The following STPG2 variants were observed in gnomAD, a reference collection of about 807,000 sequenced individuals.
The protein encoded by STPG2 is sperm tail PG-rich repeat containing 2, also known as sperm-tail PG-rich repeat-containing protein 2.
In STPG2, 56 loss-of-function variants were observed where a neutral mutation model predicts 54.2. The observed-to-expected ratio is 1.03, with a 90% CI of 0.83 to 1.29. The LOEUF is 1.29. STPG2 is among the 50% of genes most tolerant of loss of function. STPG2 has a pLI of 0.00. For synonymous variants in STPG2, 200 were observed against 181.8 expected, an observed-to-expected ratio of 1.10 and a Z score of -0.81; for missense variants, 596 against 544.9, an observed-to-expected ratio of 1.09 and a Z score of -0.93.
At chr4:97,655,289 G>A (rs918109727) in intron 10 of STPG2, among the ~76,000 whole-genome samples, 2 of 152,006 alleles carry the variant, frequency 1.3e-5, no homozygotes, top group African/African-American at 4.8e-5. Flanking sequence ...GTACTACCTC[G>A]TGAATTCTTA....
At chr4:97,864,538 G>T (rs1578636164) in intron 8 of STPG2, among the ~76,000 whole-genome samples, 1 of 152,106 alleles carries the variant, frequency 6.6e-6, no homozygotes, top group African/African-American at 2.4e-5. Flanking sequence ...TACATTCAAT[G>T]CCATCCCCAT....
chr4:98,106,251 T>C (rs1322461175), intron 4 of STPG2, among the ~76,000 whole-genome samples, 187 bp from the exon 5 acceptor site: 1 of 152,248 alleles, frequency 6.6e-6, no homozygotes, highest in Non-Finnish European at 1.5e-5. Context: ...TGGTTAGTTA[T>C]GATTTTTTTC....
At chr4:97,547,941 G>A (rs1195823159) in intron 4 of STPG2, among the ~76,000 whole-genome samples, 1 of 151,642 alleles carries the variant, frequency 6.6e-6, no homozygotes, top group African/African-American at 2.4e-5. Context: ...ACCTGAGGTC[G>A]GGAGTTCACG....
chr4:97,989,630 C>T (rs1169717498), intron 5 of STPG2, among the ~76,000 whole-genome samples: 1 of 152,172 alleles, frequency 6.6e-6, no homozygotes, highest in Admixed American at 6.5e-5. Context: ...TTGTCAATAA[C>T]TTTCACCTTT....
Position 97,617,030 on chromosome 4 carries a change from G to T in STPG2, c.1321-57913C>A, listed in dbSNP as rs535028632. Among the ~76,000 whole-genome samples the T allele has an allele frequency of 4.6e-5, 7 of 152,102 alleles. 1 individual carries two copies. In the South Asian group the frequency reaches 1.4e-3, roughly 31 times the overall value. On this transcript the variant is annotated intron_variant, in intron 10 of 10. Transcript: ENST00000295268. ...TTGTCCCAGTATGTTAGTTTATAAA[G>T]CTAACTAACCAAATTAGTCTATATT...
Position 97,527,001 on chromosome 4 carries a change from C to CTT in STPG2, c.462+185696_462+185697dup, listed in dbSNP as rs369918959. ...TCAGAAATAATAGATGCTGCCAAAG[C>CTT]TTTTTTTTTTTTTAATACTTTAAGT... On this transcript the variant is annotated intron_variant, in intron 4 of 4. Transcript: ENST00000522676. Among the ~76,000 whole-genome samples, 605 of 141,496 alleles carry CTT rather than the reference C, an allele frequency of 4.3e-3. 1 individual carries two copies. Among genetic ancestry groups the CTT allele is most frequent in the South Asian group, 0.021 (92 of 4,396 alleles). 92.8% of individuals were successfully genotyped at this position (141,496 alleles called of 152,430 possible). A position where few individuals can be genotyped will look rare whatever the true frequency, so the allele number is the denominator to read the frequency against.
intron 9 of STPG2, among the ~76,000 whole-genome samples, chr4:97,756,211 TTTG>T (rs1364199316): frequency 1.3e-5 from 2 of 152,188 alleles, no homozygotes; most frequent in African/African-American, 4.8e-5. Flanking sequence ...ATTATGATGT[TTTG>T]TTGTTGAGAA....
At chr4:97,725,800 G>A (rs1455575452) in intron 9 of STPG2, among the ~76,000 whole-genome samples, 4 of 151,670 alleles carry the variant, frequency 2.6e-5, no homozygotes, top group Admixed American at 2.0e-4. Flanking sequence ...AAACATAAAC[G>A]ACCTGAGTCC....
chr4:97,804,163 ATAATG>A (rs1228179861), intron 9 of STPG2, among the ~76,000 whole-genome samples: 1 of 152,222 alleles, frequency 6.6e-6, no homozygotes, highest in Non-Finnish European at 1.5e-5. Flanking sequence ...TCATCATAAT[ATAATG>A]TTATACCTTC....
At chr4:97,684,769 T>C (rs538251093) in intron 10 of STPG2, among the ~76,000 whole-genome samples, 38 of 151,890 alleles carry the variant, frequency 2.5e-4, no homozygotes, top group African/African-American at 1.4e-4. Flanking sequence ...AATTAAAAAC[T>C]TCTGCTCTGA....
rs540591179 is a variant in STPG2 at position 98,123,134 on chromosome 4, C to CA, written c.387+5293dup. Among the ~76,000 whole-genome samples, 645 of 151,930 alleles carry CA rather than the reference C, an allele frequency of 4.2e-3. 3 individuals are homozygous for CA. The highest frequency in any genetic ancestry group is 0.025 in the South Asian group (120 of 4,810). On this transcript the variant is annotated intron_variant, in intron 3 of 10. Transcript: ENST00000295268. ...ATCAGTCTATCTATTTTATTAATTT[C>CA]AAAAAATAGCTTCTGGGTTCATTGA... is the stretch of plus-strand genomic sequence containing the variant.
At chr4:97,816,743 CCTTTCTTT>C (rs149019077) in intron 9 of STPG2, among the ~76,000 whole-genome samples, 1 of 150,608 alleles carries the variant, frequency 6.6e-6, no homozygotes, top group African/African-American at 2.4e-5. Flanking sequence ...TCTTTCTCTA[CCTTTCTTT>C]CTTTCTTTTT....
intron 8 of STPG2, among the ~76,000 whole-genome samples, chr4:97,925,367 T>C (rs1732294112): frequency 6.6e-6 from 1 of 152,182 alleles, no homozygotes; most frequent in African/African-American, 2.4e-5. Flanking sequence ...TCTGAGCTAA[T>C]GAAGTTAGAC....
At chr4:97,517,615 T>A (rs1479697463) in intron 4 of STPG2, among the ~76,000 whole-genome samples, 1 of 152,106 alleles carries the variant, frequency 6.6e-6, no homozygotes, top group Non-Finnish European at 1.5e-5. Flanking sequence ...TTTTTTCAGT[T>A]TTTAAAACCA....
intron 8 of STPG2, among the ~76,000 whole-genome samples, chr4:97,942,392 A>G (rs1433514077): frequency 3.9e-5 from 6 of 152,172 alleles, no homozygotes; most frequent in Middle Eastern, 3.4e-3. Context: ...GAACTCTAAA[A>G]TTCCTCAAGA....
At chr4:97,561,071 T>G (rs1283336610) in intron 10 of STPG2, among the ~76,000 whole-genome samples, 1 of 152,070 alleles carries the variant, frequency 6.6e-6, no homozygotes, top group Non-Finnish European at 1.5e-5. Flanking sequence ...CCACCAACAG[T>G]GTAAAAGTGT....
rs539448345 is a variant in STPG2 at position 98,113,771 on chromosome 4, C to T, written c.388-4466G>A. On this transcript the variant is annotated intron_variant, in intron 3 of 10. Transcript: ENST00000295268. ...TTGTCATGTCCTTGAAGGAACAAAGCTATGAATAAAAACTGAAAGAGCTAT... is the reference window on the plus strand; with the variant it reads ...TTGTCATGTCCTTGAAGGAACAAAGTTATGAATAAAAACTGAAAGAGCTAT... 5.3e-5 allele frequency among the ~76,000 whole-genome samples: 8 copies of T among 152,034 alleles called. No homozygotes were observed. The South Asian group carries it at 1.2e-3, about 24-fold the overall frequency.
intron 10 of STPG2, among the ~76,000 whole-genome samples, chr4:97,677,960 A>C (rs1722900434): frequency 6.6e-6 from 1 of 152,198 alleles, no homozygotes; most frequent in African/African-American, 2.4e-5. Context: ...TGCATGTATA[A>C]ATTGTTTTAA....
chr4:98,088,746 A>G (rs1408421936), intron 5 of STPG2, among the ~76,000 whole-genome samples: 1 of 151,264 alleles, frequency 6.6e-6, no homozygotes, highest in Non-Finnish European at 1.5e-5. Flanking sequence ...AAGCTCCCTG[A>G]AAGAGTGAGC....
Sources: gnomAD v4.1 joint callset for allele counts (sites outside exome capture counted in the v4.1 genomes callset) on GRCh38, gnomAD v4.1.1 for gene constraint, MANE v1.5 for transcripts, NCBI Gene and HGNC (gene_info 2026-07-23, HGNC 2026-07-21) for gene names.